The following INPP4B variants were observed in gnomAD, a reference collection of about 807,000 sequenced individuals.
INPP4B encodes inositol polyphosphate 4-phosphatase type II.
Under a neutral mutation model 122.5 loss-of-function variants are expected in INPP4B, and 55 were observed. The observed-to-expected ratio is 0.45, with a 90% CI of 0.36 to 0.56. The LOEUF is 0.56. Ranked by LOEUF, INPP4B falls within the 20% of genes least tolerant of loss-of-function variation. INPP4B has a pLI of 0.00. For missense variants in INPP4B, 1,000 were observed against 1,097.7 expected (o/e 0.91, Z 1.26); for synonymous variants, 403 against 388.7 (o/e 1.04, Z -0.43).
At chr4:142,590,852 C>A (rs1216253700) in intron 2 of INPP4B, among the ~76,000 whole-genome samples, 2 of 129,374 alleles carry the variant, frequency 1.5e-5, no homozygotes, top group Non-Finnish European at 3.1e-5. Flanking sequence ...CAGCCAGTGC[C>A]AGATCTTGGT....
At chr4:142,141,791 G>T (rs1311170147) in intron 18 of INPP4B, among the ~76,000 whole-genome samples, 2 of 152,030 alleles carry the variant, frequency 1.3e-5, no homozygotes, top group Non-Finnish European at 2.9e-5. Flanking sequence ...GCACAACCCA[G>T]ATGACCATCT....
chr4:142,447,136 G>C (rs895582727), intron 3 of INPP4B, among the ~76,000 whole-genome samples: 1 of 152,148 alleles, frequency 6.6e-6, no homozygotes, highest in African/African-American at 2.4e-5. Context: ...GTTTTGAGCT[G>C]GTTTCTATGA....
chr4:142,581,568 A>G lies in INPP4B; in HGVS notation c.-190-118842T>C, dbSNP rs941989086. Among the ~76,000 whole-genome samples the G allele has an allele frequency of 2.8e-4, 30 of 107,186 alleles. 2 individuals carry two copies. The highest frequency in any genetic ancestry group is 4.0e-4 in the Non-Finnish European group (20 of 50,618). The allele number at this position is 107,186 out of a possible 152,430, so 70.3% of individuals were successfully genotyped here. A position where few individuals can be genotyped will look rare whatever the true frequency, so the allele number is the denominator to read the frequency against. On this transcript the variant is annotated intron_variant, in intron 2 of 25. Transcript: ENST00000262992. ...AGTTCCATTTCTATCTATTAGAAAT[A>G]GATAGAAGTTCCATTTCTATCTATT... is the stretch of plus-strand genomic sequence containing the variant.
At chr4:142,810,068 G>A (rs1271386064) in intron 1 of INPP4B, among the ~76,000 whole-genome samples, 1 of 151,542 alleles carries the variant, frequency 6.6e-6, no homozygotes, top group Non-Finnish European at 1.5e-5. Flanking sequence ...TACTCGGGGG[G>A]CTGAGGCAGG....
At chr4:142,431,532 T>A (rs1809290476) in intron 3 of INPP4B, 147 bp from the exon 4 acceptor site, 1 of 457,286 alleles carries the variant, frequency 2.2e-6, no homozygotes. Context: ...TCCACACAGT[T>A]AATGCATCAT....
chr4:142,190,857 A>T lies in INPP4B; in HGVS notation c.1181+2230T>A, dbSNP rs139585937. On this transcript the variant is annotated intron_variant, in intron 15 of 25. Coordinates refer to ENST00000262992, the MANE Select transcript of INPP4B (RefSeq NM_001101669.3). ...ATATTATTCAGAGTCTAACCACAGA[A>T]CTCAACAGTTGTCTTTAACAGAAAT... Among the ~76,000 whole-genome samples, 24 of 152,188 alleles carry T rather than the reference A, an allele frequency of 1.6e-4. No homozygotes were observed. The East Asian group carries it at 3.3e-3, about 21-fold the overall frequency.
intron 25 of INPP4B, chr4:142,029,201 G>C (rs771529595): frequency 1.1e-5 from 12 of 1,070,990 alleles, no homozygotes; most frequent in Non-Finnish European, 1.4e-5. Flanking sequence ...CTCCACTTTA[G>C]TTTCATAAAT....
intron 25 of INPP4B, among the ~76,000 whole-genome samples, chr4:142,047,789 T>C (rs966893): frequency 5.3e-5 from 8 of 151,836 alleles, no homozygotes; most frequent in African/African-American, 1.9e-4. Flanking sequence ...AGCACAGATA[T>C]GAAACAAAAA....
chr4:142,216,607 T>C (rs1847379601), intron 12 of INPP4B, among the ~76,000 whole-genome samples: 1 of 152,200 alleles, frequency 6.6e-6, no homozygotes, highest in African/African-American at 2.4e-5. Flanking sequence ...TTTGTCTATA[T>C]GGATCGTTTT....
At chr4:142,779,229 A>G (rs1420292382) in intron 1 of INPP4B, among the ~76,000 whole-genome samples, 2 of 152,200 alleles carry the variant, frequency 1.3e-5, no homozygotes, top group East Asian at 3.9e-4. Context: ...AACAAGTACT[A>G]AAAGTATTAA....
Position 142,483,884 on chromosome 4 carries a change from G to A in INPP4B, c.-190-21158C>T, listed in dbSNP as rs542845365. On this transcript the variant is annotated intron_variant, in intron 2 of 25. Coordinates refer to ENST00000262992, the MANE Select transcript of INPP4B (RefSeq NM_001101669.3). Reference sequence around the variant, plus strand: ...AATTAGAAAGAGGTGGATGGAATCTGGGATCCTTAGATGGCTGCATGGGTC... The same window carrying A: ...AATTAGAAAGAGGTGGATGGAATCTAGGATCCTTAGATGGCTGCATGGGTC... 5.3e-5 allele frequency among the ~76,000 whole-genome samples: 8 copies of A among 152,114 alleles called. No individual in the cohort carries two copies. In the South Asian group the frequency reaches 1.7e-3, roughly 32 times the overall value.
chr4:142,217,096 A>G (rs567161714), intron 12 of INPP4B, among the ~76,000 whole-genome samples: 15 of 152,164 alleles, frequency 9.9e-5, no homozygotes, highest in Non-Finnish European at 2.1e-4. Flanking sequence ...TTTAATTTAC[A>G]TTGGAATTCT....
rs1443660219 is a variant in INPP4B, at chr4:142,601,900, C to T, written c.-191+123939G>A. 6.0e-5 allele frequency among the ~76,000 whole-genome samples: 8 copies of T among 133,308 alleles called. No homozygotes were observed. In the East Asian group the frequency reaches 7.2e-4, roughly 12 times the overall value. The allele number at this position is 133,308 out of a possible 152,430, so 87.5% of individuals were successfully genotyped here. A position where few individuals can be genotyped will look rare whatever the true frequency, so the allele number is the denominator to read the frequency against. ...AGGAGAATGGCGTGAACCCGGGAGG[C>T]GGAGCTTGCAGTAAGCCAAGATTGC... On this transcript the variant is annotated intron_variant, in intron 2 of 25. Coordinates refer to ENST00000262992, the MANE Select transcript of INPP4B (RefSeq NM_001101669.3).
chr4:142,261,112 A>C (rs1739776233), intron 10 of INPP4B, among the ~76,000 whole-genome samples: 3 of 152,224 alleles, frequency 2.0e-5, no homozygotes. Context: ...TGAATTGATT[A>C]AGCTCCTGAC....
chr4:142,713,732 G>T (rs2150806932), intron 2 of INPP4B, among the ~76,000 whole-genome samples: 1 of 152,188 alleles, frequency 6.6e-6, no homozygotes, highest in East Asian at 1.9e-4. Flanking sequence ...AGTGTCCCTG[G>T]AGTCCCCTGA....
At chr4:142,062,272 T>C (rs1040723678) in intron 25 of INPP4B, among the ~76,000 whole-genome samples, 1 of 151,788 alleles carries the variant, frequency 6.6e-6, no homozygotes, top group Non-Finnish European at 1.5e-5. Context: ...CACATCATCA[T>C]CACAGCACCA....
At chr4:142,201,146 CAA>C (rs1041432241) in intron 14 of INPP4B, among the ~76,000 whole-genome samples, 3 of 151,930 alleles carry the variant, frequency 2.0e-5, no homozygotes, top group Non-Finnish European at 4.4e-5. Context: ...CTTTGATAGC[CAA>C]AGAGTGGCTT....
At chr4:142,393,234 G>A (rs1798301864) in intron 7 of INPP4B, among the ~76,000 whole-genome samples, 1 of 151,846 alleles carries the variant, frequency 6.6e-6, no homozygotes, top group Non-Finnish European at 1.5e-5. Flanking sequence ...GACCAAAAAG[G>A]GGAAATTAAA....
Position 142,740,804 on chromosome 4 carries a change from C to T in INPP4B, c.-253-14903G>A, listed in dbSNP as rs182722238. Among the ~76,000 whole-genome samples, 79 of 152,130 alleles carry T rather than the reference C, an allele frequency of 5.2e-4. 2 individuals are homozygous for T. The highest frequency in any genetic ancestry group is 1.6e-3 in the African/African-American group (66 of 41,526). ...AATGCATAATCCACAATCCTTCCCCCATGGCTTTTGGACTTTGTTTTCTAC... is the reference window on the plus strand; with the variant it reads ...AATGCATAATCCACAATCCTTCCCCTATGGCTTTTGGACTTTGTTTTCTAC... On this transcript the variant is annotated intron_variant, in intron 1 of 25. Transcript: ENST00000262992.
Sources: gnomAD v4.1 joint callset for allele counts (sites outside exome capture counted in the v4.1 genomes callset) on GRCh38, gnomAD v4.1.1 for gene constraint, MANE v1.5 for transcripts, NCBI Gene and HGNC (gene_info 2026-07-23, HGNC 2026-07-21) for gene names.